CPQ: variants seen among roughly 807,000 people sequenced by gnomAD.
CPQ encodes the protein Ser-Met dipeptidase.
A neutral mutation model predicts 45.7 loss-of-function variants in CPQ; 37 were observed. That is an observed-to-expected ratio of 0.81 (90% CI 0.62 to 1.07). The LOEUF is 1.07. CPQ is among the 50% of genes least tolerant of loss of function. The pLI is 0.00. For missense variants in CPQ, 537 were observed against 572.9 expected (o/e 0.94, Z 0.64); for synonymous variants, 186 against 205.8 (o/e 0.90, Z 0.82).
chr8:96,891,972 G>A (rs566572307), intron 4 of CPQ, among the ~76,000 whole-genome samples: 1 of 152,124 alleles, frequency 6.6e-6, no homozygotes, highest in Non-Finnish European at 1.5e-5. Context: ...TTGGGATGAG[G>A]TATATTACAA....
chr8:97,117,106 T>A (rs907728346), intron 7 of CPQ, among the ~76,000 whole-genome samples: 1 of 152,250 alleles, frequency 6.6e-6, no homozygotes, highest in Admixed American at 6.5e-5. Flanking sequence ...AATGTAGCGA[T>A]AATTATTCAG....
chr8:97,010,047 A>T (rs1809457566), intron 5 of CPQ, among the ~76,000 whole-genome samples: 1 of 152,208 alleles, frequency 6.6e-6, no homozygotes, highest in Non-Finnish European at 1.5e-5. Flanking sequence ...CATAGTAGAT[A>T]CCAGTAGGAA....
At chr8:96,908,947 G>C (rs1341162317) in intron 4 of CPQ, among the ~76,000 whole-genome samples, 1 of 152,084 alleles carries the variant, frequency 6.6e-6, no homozygotes, top group Non-Finnish European at 1.5e-5. Context: ...TGTGATTCTT[G>C]TGTTTCTCTA....
chr8:96,890,564 A>G (rs1586440052), intron 4 of CPQ, among the ~76,000 whole-genome samples: 1 of 152,334 alleles, frequency 6.6e-6, no homozygotes, highest in East Asian at 1.9e-4. Context: ...CCTGTATTCC[A>G]TGCATACTCT....
chr8:96,775,471 A>G (rs1810593358), intron 1 of CPQ, among the ~76,000 whole-genome samples: 1 of 152,198 alleles, frequency 6.6e-6, no homozygotes, highest in African/African-American at 2.4e-5. Context: ...TGCAAGTGAT[A>G]CAAGGGTATG....
chr8:96,852,955 T>A (rs1811790930), intron 3 of CPQ, among the ~76,000 whole-genome samples: 1 of 152,212 alleles, frequency 6.6e-6, no homozygotes, highest in Non-Finnish European at 1.5e-5. Context: ...AGCCAGTACT[T>A]GTTATTTATG....
intron 3 of CPQ, among the ~76,000 whole-genome samples, chr8:96,847,465 A>T (rs1461929350): frequency 6.6e-6 from 1 of 152,220 alleles, no homozygotes; most frequent in Non-Finnish European, 1.5e-5. Flanking sequence ...TACTATCATC[A>T]TTCTTTTTGA....
At chr8:96,738,303 T>G (rs903032987) in intron 1 of CPQ, among the ~76,000 whole-genome samples, 1 of 152,178 alleles carries the variant, frequency 6.6e-6, no homozygotes, top group African/African-American at 2.4e-5. Flanking sequence ...TGAGGAGGTA[T>G]GTTAAAATCT....
chr8:96,928,391 G>A (rs1406497735), intron 4 of CPQ, among the ~76,000 whole-genome samples: 1 of 150,348 alleles, frequency 6.7e-6, no homozygotes, highest in Non-Finnish European at 1.5e-5. Flanking sequence ...CTTCTCTGAG[G>A]TAAAAATAAG....
chr8:96,893,645 C>T (rs1189345875), intron 4 of CPQ, among the ~76,000 whole-genome samples: 1 of 152,164 alleles, frequency 6.6e-6, no homozygotes, highest in Non-Finnish European at 1.5e-5. Flanking sequence ...TAAGGTCAGG[C>T]ACACACCAAA....
At chr8:97,121,705 T>C (rs775589441) in intron 7 of CPQ, among the ~76,000 whole-genome samples, 1 of 152,052 alleles carries the variant, frequency 6.6e-6, no homozygotes. Flanking sequence ...CTAGAAATGA[T>C]AGTGATGATG....
intron 6 of CPQ, among the ~76,000 whole-genome samples, chr8:97,035,475 C>T (rs1182582677): frequency 6.6e-6 from 1 of 152,164 alleles, no homozygotes. Context: ...TTTACATTTC[C>T]ACCAACAACA....
At chr8:96,949,485 T>G (rs146612318) in intron 4 of CPQ, among the ~76,000 whole-genome samples, 1 of 152,190 alleles carries the variant, frequency 6.6e-6, no homozygotes, top group East Asian at 1.9e-4. Flanking sequence ...CAGGTTTTAT[T>G]ATGTTCTATC....
At chr8:96,778,046 G>T (rs1259542210) in intron 1 of CPQ, among the ~76,000 whole-genome samples, 1 of 150,612 alleles carries the variant, frequency 6.6e-6, no homozygotes, top group Non-Finnish European at 1.5e-5. Flanking sequence ...ACTTTTTAAG[G>T]TTGCCCTTGA....
intron 6 of CPQ, among the ~76,000 whole-genome samples, chr8:97,040,610 G>A (rs1012188255): frequency 6.6e-6 from 1 of 152,196 alleles, no homozygotes; most frequent in African/African-American, 2.4e-5. Flanking sequence ...GGTTGTTATG[G>A]TTTTAGTTCT....
At chr8:96,817,179 A>G (rs1177053410) in intron 2 of CPQ, among the ~76,000 whole-genome samples, 1 of 152,066 alleles carries the variant, frequency 6.6e-6, no homozygotes, top group African/African-American at 2.4e-5. Flanking sequence ...ACATACCTCA[A>G]TGGTCTTAAC....
At chr8:96,941,109 C>G (rs1388580564) in intron 4 of CPQ, among the ~76,000 whole-genome samples, 2 of 152,108 alleles carry the variant, frequency 1.3e-5, no homozygotes, top group East Asian at 1.9e-4. Flanking sequence ...TTTCGGCCCT[C>G]TCCCTTAGAA....
At chr8:96,767,322 C>T (rs1810480076) in intron 1 of CPQ, among the ~76,000 whole-genome samples, 1 of 152,036 alleles carries the variant, frequency 6.6e-6, no homozygotes, top group Admixed American at 6.6e-5. Context: ...TGAAGATGGG[C>T]TTTTTGTCTT....
intron 4 of CPQ, among the ~76,000 whole-genome samples, chr8:96,887,028 C>T (rs1487364413): frequency 1.3e-5 from 2 of 152,052 alleles, no homozygotes; most frequent in Non-Finnish European, 2.9e-5. Flanking sequence ...CTTTTTAGCT[C>T]CTTGTCACTT....
Sources: allele counts gnomAD v4.1 joint callset (sites outside exome capture counted in the v4.1 genomes callset), GRCh38; gene constraint gnomAD v4.1.1; transcripts MANE v1.5; gene names NCBI Gene and HGNC (gene_info 2026-07-23, HGNC 2026-07-21).